ADCY2: variants seen among roughly 807,000 people sequenced by gnomAD.
ADCY2 encodes adenylate cyclase type 2.
A neutral mutation model predicts 125.2 loss-of-function variants in ADCY2; 31 were observed. The ratio of observed to expected loss-of-function variants is 0.25; its 90% CI spans 0.19 to 0.33. The LOEUF (loss-of-function observed/expected upper bound fraction) is 0.33, where lower values mean the gene tolerates loss of function less well. Ranked by LOEUF, ADCY2 falls within the 10% of genes least tolerant of loss-of-function variation. The pLI is 1.00. For synonymous variants in ADCY2, 512 were observed against 548.4 expected (o/e 0.93, Z 0.93); for missense variants, 904 against 1,418.2 (o/e 0.64, Z 5.82).
In ADCY2 at chr5:7,399,865, T is replaced by G. The variant is rs971210364; in HGVS notation, c.210+3359T>G. Among the ~76,000 whole-genome samples the G allele has an allele frequency of 2.6e-5, 4 of 152,360 alleles. No individual in the cohort carries two copies. The South Asian group carries it at 8.3e-4, about 32-fold the overall frequency. ...AATTGACCCCTGGCATCAGAAAACT[T>G]AGAGCTAATGAAATGAAATTTTAAG... On this transcript the variant is annotated intron_variant, in intron 1 of 24. Transcript: ENST00000338316.
At chr5:7,664,933 C>T (rs1246120811) in intron 4 of ADCY2, among the ~76,000 whole-genome samples, 1 of 152,136 alleles carries the variant, frequency 6.6e-6, no homozygotes, top group Non-Finnish European at 1.5e-5. Context: ...AAACTCAAAC[C>T]AATTGTCAAC....
chr5:7,674,926 C>T (rs904280978), intron 4 of ADCY2, among the ~76,000 whole-genome samples: 30 of 152,154 alleles, frequency 2.0e-4, no homozygotes, highest in Admixed American at 4.6e-4. Flanking sequence ...GAGGCCGAGG[C>T]GGGCGGATCA....
At chr5:7,453,760 T>C (rs919343334) in intron 2 of ADCY2, among the ~76,000 whole-genome samples, 2 of 152,132 alleles carry the variant, frequency 1.3e-5, no homozygotes, top group Admixed American at 1.3e-4. Context: ...GTGGGCAGTT[T>C]GCATGCACAG....
chr5:7,783,553 C>G (rs147925484), intron 18 of ADCY2, among the ~76,000 whole-genome samples: 1 of 152,110 alleles, frequency 6.6e-6, no homozygotes, highest in African/African-American at 2.4e-5. Flanking sequence ...AAAACAAGGA[C>G]GACACACAAG....
intron 2 of ADCY2, among the ~76,000 whole-genome samples, chr5:7,517,383 C>T (rs1290015200): frequency 1.3e-5 from 2 of 152,342 alleles, no homozygotes; most frequent in African/African-American, 4.8e-5. Context: ...TTTACCCACA[C>T]ATTCTTTACA....
At chr5:7,407,344 G>C (rs1579411306) in intron 1 of ADCY2, among the ~76,000 whole-genome samples, 1 of 152,170 alleles carries the variant, frequency 6.6e-6, no homozygotes, top group Non-Finnish European at 1.5e-5. Context: ...CTGAGACTGG[G>C]TAATTTATCA....
intron 1 of ADCY2, among the ~76,000 whole-genome samples, chr5:7,413,159 ATGGAGCCATTTCCAGTG>A: frequency 6.6e-6 from 1 of 152,236 alleles, no homozygotes; most frequent in East Asian, 1.9e-4. Context: ...TGGTATTTGC[ATGGAGCCATTTCCAGTG>A]TGAAGTTAGA....
chr5:7,532,803 GTTTTTC>G, intron 3 of ADCY2, among the ~76,000 whole-genome samples: 1 of 151,998 alleles, frequency 6.6e-6, no homozygotes, highest in South Asian at 2.1e-4. Context: ...GTCATGTTGT[GTTTTTC>G]TTTAATTCGT....
intron 4 of ADCY2, among the ~76,000 whole-genome samples, chr5:7,667,138 A>G (rs966217762): frequency 1.3e-5 from 2 of 152,184 alleles, no homozygotes; most frequent in African/African-American, 4.8e-5. Context: ...AAACTGTCTC[A>G]CAAGCTGTCA....
At chr5:7,668,211 C>T (rs10070814) in intron 4 of ADCY2, among the ~76,000 whole-genome samples, 4,035 of 152,238 alleles carry the variant, frequency 0.027, 115 homozygotes, top group African/African-American at 0.07. Flanking sequence ...GATGAGATTA[C>T]CATTTAAATC....
intron 2 of ADCY2, among the ~76,000 whole-genome samples, chr5:7,484,372 G>T (rs1742847617): frequency 6.6e-6 from 1 of 152,134 alleles, no homozygotes; most frequent in Non-Finnish European, 1.5e-5. Context: ...TATAACAAAT[G>T]TGCATCATCT....
intron 3 of ADCY2, among the ~76,000 whole-genome samples, chr5:7,530,022 T>C (rs1734590676): frequency 1.3e-5 from 2 of 152,202 alleles, no homozygotes; most frequent in Admixed American, 1.3e-4. Flanking sequence ...CAGAATCTGC[T>C]TCCTGGAGAA....
At chr5:7,515,989 C>T (rs1744240890) in intron 2 of ADCY2, among the ~76,000 whole-genome samples, 1 of 152,064 alleles carries the variant, frequency 6.6e-6, no homozygotes, top group Non-Finnish European at 1.5e-5. Flanking sequence ...GGTTTTCATC[C>T]AAGGGAGAAA....
chr5:7,775,295 G>A (rs1391486203), intron 18 of ADCY2, among the ~76,000 whole-genome samples: 1 of 151,466 alleles, frequency 6.6e-6, no homozygotes, highest in African/African-American at 2.4e-5. Context: ...TGGCCAGGCT[G>A]CTCTCAAACT....
chr5:7,552,195 AGCTGAAGTACTGG>A (rs1735366428), intron 3 of ADCY2, among the ~76,000 whole-genome samples: 1 of 152,226 alleles, frequency 6.6e-6, no homozygotes, highest in African/African-American at 2.4e-5. Context: ...TCATGAAACC[AGCTGAAGTACTGG>A]GATAAACCTC....
intron 3 of ADCY2, among the ~76,000 whole-genome samples, chr5:7,573,674 C>A (rs113664928): frequency 2.1e-5 from 3 of 144,002 alleles, no homozygotes; most frequent in Admixed American, 7.1e-5. Context: ...GCTTCCACAG[C>A]GTGGAAGGGG....
intron 24 of ADCY2, among the ~76,000 whole-genome samples, chr5:7,821,876 A>G (rs896615037): frequency 2.3e-4 from 35 of 152,222 alleles, no homozygotes; most frequent in African/African-American, 8.4e-4. Context: ...AACAGGGGCA[A>G]TGCTCACAGG....
At position 7,568,289 on chromosome 5, in the gene ADCY2, G is replaced by A. The variant is rs139284126; in HGVS notation, c.570+47390G>A. On this transcript the variant is annotated intron_variant, in intron 3 of 24. Transcript: ENST00000338316. The stretch of plus-strand genomic sequence containing the variant: ...TAAATATCTTGGGCTCTAATCTTTG[G>A]CACTCCAGCCTTTCAGTCTTGATAC... 5.3e-3 allele frequency among the ~76,000 whole-genome samples: 805 copies of A among 152,098 alleles called. 2 individuals carry two copies. The highest frequency in any genetic ancestry group is 0.018 in the African/African-American group (756 of 41,492).
At chr5:7,790,466 A>G (rs1236318937) in intron 20 of ADCY2, among the ~76,000 whole-genome samples, 2 of 152,202 alleles carry the variant, frequency 1.3e-5, no homozygotes, top group African/African-American at 4.8e-5. Context: ...TTTTGAAGAG[A>G]TGTTGTGAGA....
Sources: allele counts gnomAD v4.1 joint callset (sites outside exome capture counted in the v4.1 genomes callset), GRCh38; gene constraint gnomAD v4.1.1; transcripts MANE v1.5; gene names NCBI Gene and HGNC (gene_info 2026-07-23, HGNC 2026-07-21).